The following VCAN variants were observed in gnomAD, a reference collection of about 807,000 sequenced individuals.
The protein encoded by VCAN is versican core protein.
Under a neutral mutation model 245.5 loss-of-function variants are expected in VCAN, and 44 were observed. The ratio of observed to expected loss-of-function variants is 0.18; its 90% CI spans 0.14 to 0.23. The LOEUF (loss-of-function observed/expected upper bound fraction) is 0.23. Among genes scored for constraint, VCAN ranks in the 10% least tolerant of loss-of-function variants. The pLI, the probability that VCAN is intolerant of heterozygous loss-of-function variation, is 1.00. For synonymous variants in VCAN, 1,413 were observed against 1,437.0 expected (o/e 0.98, Z 0.38); for missense variants, 3,793 against 4,057.9 (o/e 0.93, Z 1.77).
At chr5:83,573,012 G>A (rs998364862) in intron 13 of VCAN, among the ~76,000 whole-genome samples, 1 of 151,688 alleles carries the variant, frequency 6.6e-6, no homozygotes, top group South Asian at 2.1e-4. Flanking sequence ...CAATTCTCCT[G>A]CCTCAGCCTC....
chr5:83,480,633 A>G (rs1744582597), intron 1 of VCAN, among the ~76,000 whole-genome samples: 1 of 152,220 alleles, frequency 6.6e-6, no homozygotes, highest in South Asian at 2.1e-4. Context: ...ATATTGTGGG[A>G]ATTATTAAGT....
At chr5:83,567,783 G>A (rs76489578) in intron 12 of VCAN, among the ~76,000 whole-genome samples, 2,340 of 152,304 alleles carry the variant, frequency 0.015, 62 homozygotes, top group African/African-American at 0.054. Flanking sequence ...GCAGGGGAAT[G>A]ACCAGCATTT....
chr5:83,474,363 T>A lies in VCAN; in HGVS notation c.-7+2340T>A, dbSNP rs529596737. The stretch of plus-strand genomic sequence containing the variant: ...AAGGGTTCGTTTCGGGGTTTGGGTC[T>A]GAATTTCGAGACTCGTTTTAGGATA... On this transcript the variant is annotated intron_variant, in intron 1 of 14. Transcript: ENST00000265077. Among the ~76,000 whole-genome samples the A allele has an allele frequency of 2.4e-3, 359 of 152,208 alleles. 4 individuals carry two copies. Among genetic ancestry groups the A allele is most frequent in the Non-Finnish European group, 4.4e-3 (301 of 67,992 alleles).
At chr5:83,472,746 T>C (rs1251076605) in intron 1 of VCAN, among the ~76,000 whole-genome samples, 1 of 151,900 alleles carries the variant, frequency 6.6e-6, no homozygotes, top group African/African-American at 2.4e-5. Flanking sequence ...CTGCACGCGG[T>C]GCGAAGGGGC....
chr5:83,535,320 A>T (rs746837174), intron 7 of VCAN, among the ~76,000 whole-genome samples: 1 of 152,076 alleles, frequency 6.6e-6, no homozygotes, highest in Non-Finnish European at 1.5e-5. Context: ...TTTAGTTAGG[A>T]TAAGAATAAC....
At chr5:83,565,965 T>A (rs1580073414) in intron 12 of VCAN, among the ~76,000 whole-genome samples, 3 of 151,416 alleles carry the variant, frequency 2.0e-5, no homozygotes, top group African/African-American at 7.3e-5. Flanking sequence ...ACTGCTTTTT[T>A]TTTTCTTTTT....
chr5:83,520,473 G>A lies in VCAN; in HGVS notation c.2167G>A (p.Gly723Arg), dbSNP rs749330034. ...AAAAACAGAAGAAGAAGTCTTCTCT[G>A]GGATGAAACTCTCTACATCTCTCTC... is the stretch of plus-strand genomic sequence containing the variant. ...MGKTEEEVFS[G>R]MKLSTSLSEP... Residue 723 changes from glycine (G) to arginine (R), a missense_variant, in exon 7 of 15, where the codon GGG becomes AGG. By Grantham distance (125) the Gly-to-Arg change is moderately radical. Transcript: ENST00000265077. 2 of 1,613,964 alleles carry A rather than the reference G, an allele frequency of 1.2e-6. No homozygotes were observed. Among genetic ancestry groups the A allele is most frequent in the South Asian group, 2.2e-5 (2 of 91,074 alleles).
At chr5:83,532,900 A>G (rs971730205) in intron 7 of VCAN, among the ~76,000 whole-genome samples, 5 of 152,132 alleles carry the variant, frequency 3.3e-5, no homozygotes, top group African/African-American at 1.2e-4. Flanking sequence ...GGGATCTAAT[A>G]TACAAAATTA....
Position 83,521,152 on chromosome 5 carries a change from T to C in VCAN, c.2846T>C (p.Val949Ala), listed in dbSNP as rs756830408. The change falls in exon 7 of 15, where the codon GTG becomes GCG. Residue 949 changes from valine (V) to alanine (A), a missense_variant. Physicochemically the swap from Val to Ala is moderately conservative, Grantham distance 64 (BLOSUM62 0). Around this residue, in one of 5 missense-constraint regions of VCAN, gnomAD observed 3,182 missense variants for 3,250.3 expected, o/e 0.98. Coordinates refer to ENST00000265077, the MANE Select transcript of VCAN (RefSeq NM_004385.5). Reference sequence around the variant, plus strand: ...CCCCAATTTGCACACACTTCAGAGGTGGAAGGATTAGCATTTGTTAGTTAT... The same window carrying C: ...CCCCAATTTGCACACACTTCAGAGGCGGAAGGATTAGCATTTGTTAGTTAT... ...TVPQFAHTSE[V>A]EGLAFVSYSS... The C allele has an allele frequency of 2.8e-5, 45 of 1,613,678 alleles. 1 individual carries two copies. In the South Asian group the frequency reaches 4.8e-4, roughly 17 times the overall value.
chr5:83,474,182 G>T (rs1393567370), intron 1 of VCAN, among the ~76,000 whole-genome samples: 1 of 152,116 alleles, frequency 6.6e-6, no homozygotes, highest in African/African-American at 2.4e-5. Context: ...ACTTCAGGGC[G>T]GGCGTCGGAC....
chr5:83,545,753 T>A, intron 9 of VCAN, 103 bp downstream of exon 9: 1 of 941,442 alleles, frequency 1.1e-6, no homozygotes, highest in Non-Finnish European at 1.7e-6. Context: ...GAAACCCATA[T>A]GAAGATTAAT....
At chr5:83,549,333 T>G (rs779459575) in intron 10 of VCAN, among the ~76,000 whole-genome samples, 1 of 152,322 alleles carries the variant, frequency 6.6e-6, no homozygotes, top group Admixed American at 6.5e-5. Flanking sequence ...AGAATAAAAT[T>G]TAGTTCTTTA....
At chr5:83,501,884 T>TA (rs1349959556) in intron 5 of VCAN, among the ~76,000 whole-genome samples, 1 of 152,162 alleles carries the variant, frequency 6.6e-6, no homozygotes, top group East Asian at 1.9e-4. Context: ...TGGGGTATAT[T>TA]GCCCTCTTAG....
In VCAN at chr5:83,521,567, C is replaced by A. The variant is rs1746101882; in HGVS notation, c.3261C>A (p.Val1087=). 2.5e-6 allele frequency: 4 copies of A among 1,613,946 alleles called. No homozygotes were observed. The African/African-American group carries it at 5.3e-5, about 22-fold the overall frequency. Residue 1087 remains valine (V), a synonymous_variant, in exon 7 of 15, where the codon GTC becomes GTA. Coordinates refer to ENST00000265077, the MANE Select transcript of VCAN (RefSeq NM_004385.5). The stretch of plus-strand genomic sequence containing the variant: ...AATTGTTGACAGGTTCTGAGAGGGT[C>A]CCAGTTTTAGAAACAACTCCAGTTG... ...EDELLTGSER[V]PVLETTPVGK... is the part of the protein sequence containing the mutation.
At chr5:83,515,722 C>T (rs997354969) in intron 6 of VCAN, among the ~76,000 whole-genome samples, 7 of 152,160 alleles carry the variant, frequency 4.6e-5, no homozygotes, top group Non-Finnish European at 7.4e-5. Context: ...AATTAATTCC[C>T]ACCACTTTCT....
At chr5:83,566,187 C>A (rs1386415901) in intron 12 of VCAN, among the ~76,000 whole-genome samples, 1 of 151,988 alleles carries the variant, frequency 6.6e-6, no homozygotes, top group Non-Finnish European at 1.5e-5. Context: ...TCTTGAACTC[C>A]CGACCTCAGG....
At chr5:83,549,556 C>CAAAGAT (rs1421679556) in intron 10 of VCAN, among the ~76,000 whole-genome samples, 3 of 152,170 alleles carry the variant, frequency 2.0e-5, no homozygotes, top group Non-Finnish European at 4.4e-5. Flanking sequence ...AAGTAACTCT[C>CAAAGAT]AAAGATAAAC....
intron 12 of VCAN, among the ~76,000 whole-genome samples, chr5:83,560,126 T>C (rs1747812904): frequency 6.6e-6 from 1 of 152,110 alleles, no homozygotes; most frequent in African/African-American, 2.4e-5. Flanking sequence ...ATTTTGTCCA[T>C]GGTTGTCCTA....
In VCAN at chr5:83,520,469, C is replaced by T; in HGVS notation, c.2163C>T (p.Phe721=). The change falls in exon 7 of 15, where the codon TTC becomes TTT. Residue 721 remains phenylalanine (F), a synonymous_variant. Transcript: ENST00000265077. ...PFMGKTEEEV[F]SGMKLSTSLS... The stretch of plus-strand genomic sequence containing the variant: ...TGGGAAAAACAGAAGAAGAAGTCTT[C>T]TCTGGGATGAAACTCTCTACATCTC... 1 of 1,613,948 alleles carries T rather than the reference C, an allele frequency of 6.2e-7. No individual in the cohort carries two copies. Among genetic ancestry groups the T allele is most frequent in the Non-Finnish European group, 8.5e-7 (1 of 1,179,936 alleles).
Sources: allele counts gnomAD v4.1 joint callset (sites outside exome capture counted in the v4.1 genomes callset), GRCh38; gene constraint gnomAD v4.1.1; regional missense constraint gnomAD v4.1.1; transcripts MANE v1.5; gene names NCBI Gene and HGNC (gene_info 2026-07-23, HGNC 2026-07-21).